CLTCL1: variants seen among roughly 807,000 people sequenced by gnomAD.
The protein encoded by CLTCL1 is clathrin heavy chain 2.
A neutral mutation model predicts 190.0 loss-of-function variants in CLTCL1; 159 were observed. That is an observed-to-expected ratio of 0.84 (90% CI 0.74 to 0.95). CLTCL1 has a LOEUF of 0.95. Ranked by LOEUF, CLTCL1 falls within the 40% of genes least tolerant of loss-of-function variation. CLTCL1 has a pLI of 0.00. For synonymous variants in CLTCL1, 752 were observed against 769.6 expected (o/e 0.98, Z 0.38); for missense variants, 1,878 against 2,033.4 (o/e 0.92, Z 1.47).
chr22:19,273,827 A>G (rs1555981825), intron 2 of CLTCL1, among the ~76,000 whole-genome samples: 1 of 152,068 alleles, frequency 6.6e-6, no homozygotes, highest in East Asian at 1.9e-4. Context: ...CAAATCCTAT[A>G]AAAGGCTCTA....
intron 2 of CLTCL1, among the ~76,000 whole-genome samples, chr22:19,274,508 C>T (rs1346959306): frequency 2.0e-5 from 3 of 152,050 alleles, no homozygotes; most frequent in African/African-American, 7.2e-5. Context: ...GACAAGATTA[C>T]AAGGGAAAAG....
Position 19,289,203 on chromosome 22 carries a change from G to A in CLTCL1, c.42+2397C>T, listed in dbSNP as rs1045091589. ...TCACCATGTTGGCCAGGCTGGTCTCGAACTCCTGATCTCAGGTGATCCACC... is the reference window on the plus strand; with the variant it reads ...TCACCATGTTGGCCAGGCTGGTCTCAAACTCCTGATCTCAGGTGATCCACC... On this transcript the variant is annotated intron_variant, in intron 1 of 32. Coordinates refer to ENST00000427926, the MANE Select transcript of CLTCL1 (RefSeq NM_007098.4). 1.1e-4 allele frequency among the ~76,000 whole-genome samples: 16 copies of A among 152,204 alleles called. No homozygotes were observed. The East Asian group carries it at 1.5e-3, about 15-fold the overall frequency.
At chr22:19,237,370 C>T (rs187969101) in intron 5 of CLTCL1, among the ~76,000 whole-genome samples, 21 of 152,086 alleles carry the variant, frequency 1.4e-4, no homozygotes, top group Admixed American at 8.5e-4. Context: ...GGCAATTAAC[C>T]GGATACATAT....
chr22:19,256,924 G>A (rs142530085), intron 2 of CLTCL1, among the ~76,000 whole-genome samples: 2 of 152,298 alleles, frequency 1.3e-5, no homozygotes, highest in East Asian at 3.8e-4. Flanking sequence ...AATACCTAAT[G>A]TTGAGATGTA....
rs782454983 is a variant in CLTCL1, at chr22:19,187,755, A to T, written c.4435-27T>A. 25 of 1,609,096 alleles carry T rather than the reference A, an allele frequency of 1.6e-5. No individual in the cohort carries two copies. The East Asian group carries it at 5.6e-4, about 36-fold the overall frequency. ...TAGGAAGACAGCCTTTCTGTGAGGG[A>T]TGGGACACTGACATGGGCTGCCTAC... On this transcript the variant is annotated intron_variant, in intron 28 of 32. Coordinates refer to ENST00000427926, the MANE Select transcript of CLTCL1 (RefSeq NM_007098.4).
At chr22:19,218,168 C>T (rs1170320949) in intron 18 of CLTCL1, among the ~76,000 whole-genome samples, 1 of 152,152 alleles carries the variant, frequency 6.6e-6, no homozygotes, top group African/African-American at 2.4e-5. Flanking sequence ...TACCCAGAAA[C>T]AGGAAGACAA....
intron 1 of CLTCL1, among the ~76,000 whole-genome samples, chr22:19,277,993 A>G (rs1555984345): frequency 6.6e-6 from 1 of 152,182 alleles, no homozygotes; most frequent in African/African-American, 2.4e-5. Context: ...AACAGAACTC[A>G]AGGAAACACG....
intron 1 of CLTCL1, among the ~76,000 whole-genome samples, chr22:19,286,942 A>T (rs1404955130): frequency 6.6e-6 from 1 of 152,192 alleles, no homozygotes; most frequent in Non-Finnish European, 1.5e-5. Flanking sequence ...TGTTTCAAAC[A>T]CCGCCTCAGA....
chr22:19,223,739 C>A (rs567287463), intron 14 of CLTCL1, among the ~76,000 whole-genome samples, 152 bp downstream of exon 14: 3 of 152,288 alleles, frequency 2.0e-5, no homozygotes, highest in African/African-American at 7.2e-5. Flanking sequence ...TACTTTAGAA[C>A]TTTAAGCCAT....
rs201203943 is a variant in CLTCL1, at chr22:19,233,234, G to C, written c.1453C>G (p.Pro485Ala). Residue 485 changes from proline (P) to alanine (A), a missense_variant, in exon 9 of 33, where the codon CCA (proline) becomes GCA (alanine). Pro to Ala is a conservative substitution (Grantham distance 27). Transcript: ENST00000427926. The part of the protein sequence containing the change: ...ALSVYLRANV[P>A]SKVIQCFAET... ...GCAAAACACTGGATCACTTTGCTTG[G>C]CACATTTGCCCGAAGGTACACACTC... 9.3e-6 allele frequency: 15 copies of C among 1,613,980 alleles called. No homozygotes were observed. In the East Asian group the frequency reaches 3.3e-4, roughly 36 times the overall value.
At chr22:19,274,798 C>A (rs1163353334) in intron 2 of CLTCL1, among the ~76,000 whole-genome samples, 3 of 150,096 alleles carry the variant, frequency 2.0e-5, no homozygotes, top group African/African-American at 7.4e-5. Flanking sequence ...GGCGCGATCT[C>A]TGCTCACCGC....
intron 26 of CLTCL1, among the ~76,000 whole-genome samples, chr22:19,194,952 C>G (rs1017053803): frequency 6.6e-6 from 1 of 152,212 alleles, no homozygotes; most frequent in African/African-American, 2.4e-5. Context: ...ATGAATCACA[C>G]AAGGAACTGG....
intron 2 of CLTCL1, among the ~76,000 whole-genome samples, chr22:19,269,724 T>C (rs540723855): frequency 2.5e-4 from 38 of 151,194 alleles, no homozygotes; most frequent in Admixed American, 2.2e-3. Context: ...TAAGTGGGAG[T>C]TGAACAAGTG....
At chr22:19,253,833 TG>T in intron 3 of CLTCL1, 125 bp downstream of exon 3, 2 of 1,155,348 alleles carry the variant, frequency 1.7e-6, no homozygotes, top group South Asian at 3.1e-5. Context: ...CCCAAAGTGC[TG>T]GGATTACAGG....
At chr22:19,208,356 T>G in intron 21 of CLTCL1, 45 bp from the exon 22 acceptor site, 1 of 1,599,770 alleles carries the variant, frequency 6.3e-7, no homozygotes, top group Non-Finnish European at 8.5e-7. Context: ...GCTGATAATT[T>G]TAAACAAGGG....
At chr22:19,232,622 A>G (rs1183626026) in intron 9 of CLTCL1, 24 bp from the exon 10 acceptor site, 18 of 1,596,738 alleles carry the variant, frequency 1.1e-5, no homozygotes, top group Middle Eastern at 1.7e-4. Context: ...AGCACCAATC[A>G]GGAAAATCAA....
Position 19,234,508 on chromosome 22 carries a change from C to T in CLTCL1, c.1167+1G>A. ...CTTGAACAGTATTCAAGGTTTATCA[C>T]CTTTGGTGCAGACGCTGCAACTTTG... On this transcript the variant is annotated splice_donor_variant, in intron 7 of 32. Coordinates refer to ENST00000427926, the MANE Select transcript of CLTCL1 (RefSeq NM_007098.4). LOFTEE classifies it high-confidence loss of function. 1 of 1,610,928 alleles carries T rather than the reference C, an allele frequency of 6.2e-7. No individual in the cohort carries two copies. The highest frequency in any genetic ancestry group is 1.1e-5 in the South Asian group (1 of 90,752).
chr22:19,267,394 T>C (rs2146222505), intron 2 of CLTCL1, among the ~76,000 whole-genome samples: 1 of 152,300 alleles, frequency 6.6e-6, no homozygotes, highest in Non-Finnish European at 1.5e-5. Context: ...ACCAAATTGA[T>C]AAATTCAATG....
In CLTCL1 at chr22:19,225,509, T is replaced by C; in HGVS notation, c.2072A>G (p.Glu691Gly). ...LCVQVASKYH[E>G]QLGTQALVEL... Reference sequence around the variant, plus strand: ...CACCAGGGCCTGCGTGCCCAGCTGCTCGTGGTACTTAGAGGCCACCTGCAC... The same window carrying C: ...CACCAGGGCCTGCGTGCCCAGCTGCCCGTGGTACTTAGAGGCCACCTGCAC... The change falls in exon 13 of 33, where the codon GAG becomes GGG. Residue 691 changes from glutamate to glycine, a missense_variant. By Grantham distance (98) the Glu-to-Gly change is moderately conservative (BLOSUM62 -2). Transcript: ENST00000427926. 6.3e-7 allele frequency: 1 copy of C among 1,587,478 alleles called. No homozygotes were observed.
Sources: gnomAD v4.1 joint callset for allele counts (sites outside exome capture counted in the v4.1 genomes callset) on GRCh38, gnomAD v4.1.1 for gene constraint, MANE v1.5 for transcripts, NCBI Gene and HGNC (gene_info 2026-07-23, HGNC 2026-07-21) for gene names.